The following MFHAS1 variants were observed in gnomAD, a reference collection of about 807,000 sequenced individuals.
MFHAS1 encodes the protein malignant fibrous histiocytoma-amplified sequence 1.
Under a neutral mutation model 70.4 loss-of-function variants are expected in MFHAS1, and 50 were observed. The observed-to-expected ratio is 0.71, with a 90% confidence interval of 0.57 to 0.90. The LOEUF (loss-of-function observed/expected upper bound fraction) is 0.90, where lower values mean the gene tolerates loss of function less well. MFHAS1 is among the 40% of genes least tolerant of loss of function. MFHAS1 has a pLI of 0.00. For missense variants in MFHAS1, 1,795 were observed against 1,347.6 expected (o/e 1.33, Z -5.20); for synonymous variants, 952 against 620.0 (o/e 1.54, Z -7.96).
Position 8,892,944 on chromosome 8 carries a change from C to G in MFHAS1, c.115G>C (p.Ala39Pro). The G allele has an allele frequency of 6.5e-7, 1 of 1,547,816 alleles. No homozygotes were observed. The highest frequency in any genetic ancestry group is 1.9e-4 in the Middle Eastern group (1 of 5,322). The change falls in exon 1 of 3, where the codon GCC becomes CCC. Residue 39 changes from alanine (A) to proline (P), a missense_variant. By Grantham distance (27) the Ala-to-Pro change is conservative (BLOSUM62 -1). Transcript: ENST00000276282. This position sits in a 1 kb window ranked among gnomAD's most constrained non-coding sequence, Gnocchi z 4.7. ...LRQLTLTAAG[A>P]CPGAGADALE... ...GCGTCGGCCCCGGCCCCGGGGCAGG[C>G]CCCGGCGGCGGTAAGCGTGAGCTGG... is the stretch of plus-strand genomic sequence containing the variant.
In MFHAS1 at chr8:8,785,691, T is replaced by C. The variant is rs544628168; in HGVS notation, c.*331A>G. ...AATACTGCCACCTGTACTGTAACTA[T>C]GGCTTATATGTGCACGGAAAACAAA... On this transcript the variant is annotated 3_prime_UTR_variant, in exon 3 of 3. Transcript: ENST00000276282. The C allele has an allele frequency of 3.3e-6, 1 of 301,904 alleles. No individual in the cohort carries two copies. Among genetic ancestry groups the C allele is most frequent in the African/African-American group, 2.1e-5 (1 of 47,490 alleles). The allele number at this position is 301,904 out of a possible 1,614,324, so 18.7% of individuals were successfully genotyped here. A position where few individuals can be genotyped will look rare whatever the true frequency, so the allele number is the denominator to read the frequency against.
At chr8:8,865,856 T>C (rs1352269792) in intron 1 of MFHAS1, among the ~76,000 whole-genome samples, 1 of 152,230 alleles carries the variant, frequency 6.6e-6, no homozygotes, top group Non-Finnish European at 1.5e-5. Flanking sequence ...ACAAGTGGTG[T>C]CTATTATTTC....
In MFHAS1 at chr8:8,893,034, G is replaced by C. The variant is rs1444022986; in HGVS notation, c.25C>G (p.Leu9Val). 8 of 1,530,162 alleles carry C rather than the reference G, an allele frequency of 5.2e-6. No individual in the cohort carries two copies. The highest frequency in any genetic ancestry group is 2.1e-4 in the Middle Eastern group (1 of 4,702). The allele number at this position is 1,530,162 out of a possible 1,614,324, so 94.8% of individuals were successfully genotyped here. A position where few individuals can be genotyped will look rare whatever the true frequency, so the allele number is the denominator to read the frequency against. The change falls in exon 1 of 3, where the codon CTG (leucine) becomes GTG (valine). Residue 9 changes from leucine (L) to valine (V), a missense_variant. Coordinates refer to ENST00000276282, the MANE Select transcript of MFHAS1 (RefSeq NM_004225.3). The stretch of plus-strand genomic sequence containing the variant: ...TCCCGCCACAGCCTCGCGGTCTTCA[G>C]GTTGCCACTGTCCATCCCAGCCATG... MAGMDSGN[L>V]KTARLWRDAA... is the part of the protein sequence containing the mutation.
At chr8:8,841,428 A>G (rs894638136) in intron 1 of MFHAS1, among the ~76,000 whole-genome samples, 5 of 151,594 alleles carry the variant, frequency 3.3e-5, no homozygotes, top group South Asian at 2.1e-4. Flanking sequence ...GGAATGCACC[A>G]CTGCACTACA....
At chr8:8,820,071 T>G (rs1213810364) in intron 1 of MFHAS1, among the ~76,000 whole-genome samples, 1 of 152,214 alleles carries the variant, frequency 6.6e-6, no homozygotes, top group Non-Finnish European at 1.5e-5. Flanking sequence ...GTTCTGATTT[T>G]TCCCCCAGAA....
At position 8,892,133 on chromosome 8, in the gene MFHAS1, G is replaced by A; in HGVS notation, c.926C>T (p.Thr309Ile). ...GCCCGAGATAAGGGATGGCACCGAG[G>A]TGAGCTGGTTGCGACTAAGGTAGAG... is the stretch of plus-strand genomic sequence containing the variant. ...EELYLSRNQLTSVPSLISGLG... is the reference protein window; with the variant it reads ...EELYLSRNQLISVPSLISGLG... Residue 309 changes from threonine to isoleucine, a missense_variant, in exon 1 of 3, where the codon ACC (threonine) becomes ATC (isoleucine). Physicochemically the swap from Thr to Ile is moderately conservative, Grantham distance 89. Coordinates refer to ENST00000276282, the MANE Select transcript of MFHAS1 (RefSeq NM_004225.3). The surrounding 1 kb of genome is among the most constrained non-coding windows in gnomAD (Gnocchi z 4.7). 3 of 1,612,322 alleles carry A rather than the reference G, an allele frequency of 1.9e-6. No homozygotes were observed. Among genetic ancestry groups the A allele is most frequent in the Non-Finnish European group, 1.7e-6 (2 of 1,180,016 alleles).
intron 1 of MFHAS1, among the ~76,000 whole-genome samples, chr8:8,798,647 C>G (rs1805985295): frequency 6.6e-6 from 1 of 152,082 alleles, no homozygotes; most frequent in Non-Finnish European, 1.5e-5. Context: ...TCTAGAAAGT[C>G]AATTAACCAA....
Position 8,808,565 on chromosome 8 carries a change from A to T in MFHAS1, c.2999-11074T>A, listed in dbSNP as rs1197202177. Among the ~76,000 whole-genome samples, 5 of 152,216 alleles carry T rather than the reference A, an allele frequency of 3.3e-5. No individual in the cohort carries two copies. The East Asian group carries it at 9.6e-4, about 29-fold the overall frequency. On this transcript the variant is annotated intron_variant, in intron 1 of 2. Coordinates refer to ENST00000276282, the MANE Select transcript of MFHAS1 (RefSeq NM_004225.3). ...TTGACTTAATAAGGAAAGAAAAAAA[A>T]TTGCATGCTGAAATTACCAGATCTA...
At chr8:8,881,966 C>T (rs546667818) in intron 1 of MFHAS1, among the ~76,000 whole-genome samples, 5 of 152,132 alleles carry the variant, frequency 3.3e-5, no homozygotes, top group Admixed American at 6.5e-5. Context: ...CTAAGTGCCC[C>T]TTGCCCACTC....
intron 2 of MFHAS1, among the ~76,000 whole-genome samples, chr8:8,788,503 A>G (rs529925117): frequency 6.6e-6 from 1 of 152,242 alleles, no homozygotes; most frequent in East Asian, 1.9e-4. Context: ...ACATGGCAAA[A>G]CCCTGTCTCT....
chr8:8,822,323 A>G (rs1362026266), intron 1 of MFHAS1, among the ~76,000 whole-genome samples: 2 of 152,154 alleles, frequency 1.3e-5, no homozygotes, highest in African/African-American at 4.8e-5. Flanking sequence ...AGGAAAATGG[A>G]GCGAGTCCTC....
intron 2 of MFHAS1, among the ~76,000 whole-genome samples, chr8:8,796,468 G>A (rs929335576): frequency 6.6e-6 from 1 of 152,044 alleles, no homozygotes; most frequent in Admixed American, 6.5e-5. Flanking sequence ...CGGATCCCGA[G>A]GTCAGGAGAT....
chr8:8,858,983 T>C (rs992511675), intron 1 of MFHAS1, among the ~76,000 whole-genome samples: 3 of 152,230 alleles, frequency 2.0e-5, no homozygotes, highest in African/African-American at 7.2e-5. Context: ...CGGATGTTAC[T>C]TCTTACATAT....
chr8:8,885,656 T>C (rs1346151345), intron 1 of MFHAS1, among the ~76,000 whole-genome samples: 1 of 152,226 alleles, frequency 6.6e-6, no homozygotes, highest in Non-Finnish European at 1.5e-5. Context: ...GAATCCTGGC[T>C]ACCAGCTATG....
intron 1 of MFHAS1, among the ~76,000 whole-genome samples, chr8:8,863,920 G>C (rs1808760234): frequency 6.6e-6 from 1 of 152,188 alleles, no homozygotes; most frequent in South Asian, 2.1e-4. Flanking sequence ...CCAGATCACT[G>C]CATTTGGACA....
rs560879329 is a variant in MFHAS1, at chr8:8,825,116, C to T, written c.2999-27625G>A. ...GTAAAGGGACAGAAGACTGCATCAGCTTGCTAAGGCTATCATAACACAGGA... is the reference window on the plus strand; with the variant it reads ...GTAAAGGGACAGAAGACTGCATCAGTTTGCTAAGGCTATCATAACACAGGA... On this transcript the variant is annotated intron_variant, in intron 1 of 2. Transcript: ENST00000276282. 7.9e-5 allele frequency among the ~76,000 whole-genome samples: 12 copies of T among 152,362 alleles called. No homozygotes were observed. In the South Asian group the frequency reaches 8.3e-4, roughly 11 times the overall value.
chr8:8,861,849 T>C (rs1176232452), intron 1 of MFHAS1, among the ~76,000 whole-genome samples: 1 of 152,232 alleles, frequency 6.6e-6, no homozygotes. Context: ...CTTCTTTCAC[T>C]CAGCATAATG....
At chr8:8,885,255 G>C (rs1315952746) in intron 1 of MFHAS1, among the ~76,000 whole-genome samples, 1 of 152,078 alleles carries the variant, frequency 6.6e-6, no homozygotes, top group African/African-American at 2.4e-5. Context: ...GCTAAAGAAA[G>C]CCACATAACT....
rs1314905559 is a variant in MFHAS1, at chr8:8,783,623, T to C, written c.*2399A>G. 6.6e-6 allele frequency: 1 copy of C among 152,130 alleles called. No individual in the cohort carries two copies. Among genetic ancestry groups the C allele is most frequent in the Admixed American group, 6.5e-5 (1 of 15,268 alleles). 9.4% of individuals were successfully genotyped at this position (152,130 alleles called of 1,614,324 possible). ...GCAGTGCTTTGACAATTCCAGGAAG[T>C]GGTTTTGATACCACAAGTTGCAGGA... On this transcript the variant is annotated 3_prime_UTR_variant, in exon 3 of 3. Transcript: ENST00000276282.
Sources: allele counts gnomAD v4.1 joint callset (sites outside exome capture counted in the v4.1 genomes callset), GRCh38; gene constraint gnomAD v4.1.1; non-coding constraint Gnocchi (gnomAD v3.1); transcripts MANE v1.5; gene names NCBI Gene and HGNC (gene_info 2026-07-23, HGNC 2026-07-21).